Variants in ACYP2 observed in about 807,000 individuals in gnomAD.
ACYP2 encodes acylphosphatase 2.
In ACYP2, 12 loss-of-function variants were observed where a neutral mutation model predicts 11.2. The ratio of observed to expected loss-of-function variants is 1.08; its 90% CI spans 0.69 to 1.74. The LOEUF (loss-of-function observed/expected upper bound fraction) is 1.74. ACYP2 is among the 40% of genes most tolerant of loss of function. ACYP2 has a pLI of 0.00. For missense variants in ACYP2, 134 were observed against 101.9 expected, an observed-to-expected ratio of 1.31 and a Z score of -1.35; for synonymous variants, 43 against 32.2, an observed-to-expected ratio of 1.33 and a Z score of -1.13.
intron 4 of ACYP2, among the ~76,000 whole-genome samples, chr2:54,121,151 A>C (rs979664221): frequency 7.2e-5 from 11 of 152,200 alleles, no homozygotes; most frequent in African/African-American, 2.7e-4. Flanking sequence ...AACAAGGCAG[A>C]GAAGAATTTT....
At chr2:54,165,532 C>A (rs1383961046) in intron 6 of ACYP2, among the ~76,000 whole-genome samples, 1 of 128,076 alleles carries the variant, frequency 7.8e-6, no homozygotes, top group African/African-American at 3.3e-5. Flanking sequence ...CTCTCTCTCT[C>A]TCTCACACAC....
At chr2:53,991,363 A>C (rs1373277926) in intron 2 of ACYP2, among the ~76,000 whole-genome samples, 1 of 151,846 alleles carries the variant, frequency 6.6e-6, no homozygotes, top group Non-Finnish European at 1.5e-5. Flanking sequence ...TTTCTCTTGG[A>C]TACATACCTA....
chr2:54,111,187 C>T (rs1327468988), intron 4 of ACYP2, among the ~76,000 whole-genome samples: 1 of 152,162 alleles, frequency 6.6e-6, no homozygotes, highest in Non-Finnish European at 1.5e-5. Flanking sequence ...CATAGCCTAA[C>T]AAGGGAGCAG....
At chr2:54,290,755 G>T (rs1689271310) in intron 6 of ACYP2, among the ~76,000 whole-genome samples, 1 of 152,144 alleles carries the variant, frequency 6.6e-6, no homozygotes, top group African/African-American at 2.4e-5. Flanking sequence ...GAAAACGCAG[G>T]CGTGTCTGGC....
At chr2:54,185,248 G>C (rs1178409741) in intron 6 of ACYP2, among the ~76,000 whole-genome samples, 1 of 152,144 alleles carries the variant, frequency 6.6e-6, no homozygotes, top group Non-Finnish European at 1.5e-5. Flanking sequence ...ACAAAAAATG[G>C]TTTGCTGGTA....
At chr2:54,212,305 C>G (rs1049459997) in intron 6 of ACYP2, among the ~76,000 whole-genome samples, 2 of 152,118 alleles carry the variant, frequency 1.3e-5, no homozygotes, top group African/African-American at 4.8e-5. Context: ...GGATGGATTG[C>G]CTTTCACATT....
intron 6 of ACYP2, among the ~76,000 whole-genome samples, chr2:54,256,860 G>C (rs1435806277): frequency 3.3e-5 from 5 of 152,008 alleles, no homozygotes; most frequent in Admixed American, 3.3e-4. Context: ...TCAAGACATG[G>C]TTTTGCCATG....
chr2:54,208,974 TCTTTG>T (rs1685212431), intron 6 of ACYP2, among the ~76,000 whole-genome samples: 1 of 145,092 alleles, frequency 6.9e-6, no homozygotes, highest in Admixed American at 7.0e-5. Context: ...CAAAAACAAT[TCTTTG>T]CTTTTACTTT....
intron 2 of ACYP2, among the ~76,000 whole-genome samples, chr2:54,034,801 G>A (rs1410228160): frequency 6.6e-6 from 1 of 151,946 alleles, no homozygotes; most frequent in Admixed American, 6.6e-5. Flanking sequence ...ACGAGGTCAG[G>A]CATTCAAGAC....
At chr2:54,267,127 A>G (rs1476532435) in intron 6 of ACYP2, among the ~76,000 whole-genome samples, 1 of 152,158 alleles carries the variant, frequency 6.6e-6, no homozygotes, top group African/African-American at 2.4e-5. Flanking sequence ...TGCTATCTTT[A>G]TCTGTTTCTG....
At chr2:53,981,238 G>A (rs573100214) in intron 2 of ACYP2, among the ~76,000 whole-genome samples, 1 of 152,264 alleles carries the variant, frequency 6.6e-6, no homozygotes, top group South Asian at 2.1e-4. Context: ...CAGGTTTTTG[G>A]AATTTGAACA....
At chr2:54,188,245 A>G (rs1397348033) in intron 6 of ACYP2, among the ~76,000 whole-genome samples, 1 of 152,202 alleles carries the variant, frequency 6.6e-6, no homozygotes, top group African/African-American at 2.4e-5. Context: ...CTTAAATGAT[A>G]GCATATTTAC....
intron 6 of ACYP2, among the ~76,000 whole-genome samples, chr2:54,219,344 T>G (rs1685685027): frequency 6.6e-6 from 1 of 151,968 alleles, no homozygotes; most frequent in African/African-American, 2.4e-5. Context: ...TTAGCAAAAA[T>G]TAATGCACTC....
chr2:54,038,246 C>T (rs1324628595), intron 2 of ACYP2, among the ~76,000 whole-genome samples: 6 of 152,168 alleles, frequency 3.9e-5, no homozygotes, highest in Admixed American at 6.5e-5. Context: ...GACACCTCCT[C>T]ATTCTCCAAG....
At chr2:54,006,731 C>T (rs1573502111) in intron 2 of ACYP2, among the ~76,000 whole-genome samples, 1 of 152,114 alleles carries the variant, frequency 6.6e-6, no homozygotes, top group South Asian at 2.1e-4. Context: ...CTCTTGGGCT[C>T]AAACTATCTA....
chr2:54,030,301 G>A (rs1410578867), intron 2 of ACYP2, among the ~76,000 whole-genome samples: 2 of 152,204 alleles, frequency 1.3e-5, no homozygotes, highest in East Asian at 1.9e-4. Context: ...ACCTTGACTC[G>A]TCTCAGATTT....
At chr2:54,053,149 G>A (rs1428096591) in intron 3 of ACYP2, among the ~76,000 whole-genome samples, 1 of 152,228 alleles carries the variant, frequency 6.6e-6, no homozygotes, top group Non-Finnish European at 1.5e-5. Flanking sequence ...AGTGCCTACA[G>A]GGCATTGCTT....
At chr2:54,247,277 T>C (rs1300569648) in intron 6 of ACYP2, among the ~76,000 whole-genome samples, 1 of 152,216 alleles carries the variant, frequency 6.6e-6, no homozygotes, top group Non-Finnish European at 1.5e-5. Flanking sequence ...CTGCCATTGC[T>C]GACAAGCCAA....
chr2:54,120,012 G>A (rs550326295), intron 4 of ACYP2, among the ~76,000 whole-genome samples: 1 of 152,352 alleles, frequency 6.6e-6, no homozygotes. Context: ...GGATAATGGG[G>A]TATTGGAAGG....
Sources: allele counts gnomAD v4.1 joint callset (sites outside exome capture counted in the v4.1 genomes callset), GRCh38; gene constraint gnomAD v4.1.1; transcripts MANE v1.5; gene names NCBI Gene and HGNC (gene_info 2026-07-23, HGNC 2026-07-21).